The following STPG2 variants were observed in gnomAD, a reference collection of about 807,000 sequenced individuals.
STPG2 encodes sperm tail PG-rich repeat containing 2, also known as sperm-tail PG-rich repeat-containing protein 2.
Under a neutral mutation model 54.2 loss-of-function variants are expected in STPG2, and 56 were observed. The observed-to-expected ratio is 1.03, with a 90% CI of 0.83 to 1.29. The LOEUF (loss-of-function observed/expected upper bound fraction) is 1.29. Among genes scored for constraint, STPG2 ranks in the 50% most tolerant of loss-of-function variants. The pLI, the probability that STPG2 is intolerant of heterozygous loss-of-function variation, is 0.00. For synonymous variants in STPG2, 200 were observed against 181.8 expected, an observed-to-expected ratio of 1.10 and a Z score of -0.81; for missense variants, 596 against 544.9, an observed-to-expected ratio of 1.09 and a Z score of -0.93.
At chr4:97,451,105 A>G (rs1269616996) in intron 4 of STPG2, among the ~76,000 whole-genome samples, 3 of 152,138 alleles carry the variant, frequency 2.0e-5, no homozygotes, top group Non-Finnish European at 4.4e-5. Context: ...AGATTATAGA[A>G]TAAGAGAAAG....
At chr4:97,977,518 A>G (rs1734538097) in intron 6 of STPG2, among the ~76,000 whole-genome samples, 2 of 152,186 alleles carry the variant, frequency 1.3e-5, no homozygotes, top group African/African-American at 4.8e-5. Context: ...TACAATAATA[A>G]ATACTACTGA....
chr4:98,122,863 C>T (rs899638922), intron 3 of STPG2, among the ~76,000 whole-genome samples: 1 of 152,094 alleles, frequency 6.6e-6, no homozygotes, highest in African/African-American at 2.4e-5. Context: ...ATTACTGCTT[C>T]GATTTCAGAA....
At chr4:97,629,621 A>G (rs1721194841) in intron 10 of STPG2, among the ~76,000 whole-genome samples, 1 of 152,048 alleles carries the variant, frequency 6.6e-6, no homozygotes, top group Non-Finnish European at 1.5e-5. Flanking sequence ...TAACTTTCAC[A>G]AAGTAGGTAT....
chr4:97,724,442 GT>G (rs1230540346), intron 9 of STPG2, among the ~76,000 whole-genome samples: 2 of 151,990 alleles, frequency 1.3e-5, no homozygotes, highest in African/African-American at 4.8e-5. Flanking sequence ...TTATGAAATT[GT>G]TTTTTCTTAT....
chr4:97,801,004 G>A (rs888319186), intron 9 of STPG2, among the ~76,000 whole-genome samples: 6 of 152,340 alleles, frequency 3.9e-5, no homozygotes, highest in Admixed American at 2.0e-4. Flanking sequence ...GAATCTCCTG[G>A]TGTGCCGTTT....
At chr4:97,758,764 C>T (rs1412896002) in intron 9 of STPG2, among the ~76,000 whole-genome samples, 1 of 152,038 alleles carries the variant, frequency 6.6e-6, no homozygotes, top group Admixed American at 6.6e-5. Context: ...ACATTCTTCA[C>T]ATGTATCCCA....
intron 5 of STPG2, among the ~76,000 whole-genome samples, chr4:97,998,821 C>T (rs747186745): frequency 1.4e-4 from 22 of 152,092 alleles, no homozygotes; most frequent in Non-Finnish European, 2.4e-4. Context: ...AAAACCCTGG[C>T]AAGACTCCAT....
chr4:97,490,696 C>T (rs536193537), intron 4 of STPG2, among the ~76,000 whole-genome samples: 5 of 151,728 alleles, frequency 3.3e-5, no homozygotes, highest in African/African-American at 1.2e-4. Context: ...GCAACATATG[C>T]AGCATGAAAT....
intron 9 of STPG2, among the ~76,000 whole-genome samples, chr4:97,714,718 C>A (rs754796423): frequency 3.9e-5 from 6 of 151,958 alleles, no homozygotes; most frequent in Non-Finnish European, 8.8e-5. Flanking sequence ...GAAAATATAT[C>A]ATCGACCATA....
chr4:97,659,186 CT>C (rs1191722622), intron 10 of STPG2, among the ~76,000 whole-genome samples: 2 of 152,120 alleles, frequency 1.3e-5, no homozygotes, highest in African/African-American at 4.8e-5. Flanking sequence ...GAGTCCATAT[CT>C]TTATTTGGGT....
At chr4:98,067,589 A>G (rs1322927585) in intron 5 of STPG2, among the ~76,000 whole-genome samples, 2 of 152,196 alleles carry the variant, frequency 1.3e-5, no homozygotes, top group Non-Finnish European at 2.9e-5. Flanking sequence ...GGAGCAGGAA[A>G]GGAATGCAAT....
intron 5 of STPG2, among the ~76,000 whole-genome samples, chr4:98,023,901 G>A (rs1439326334): frequency 3.3e-5 from 5 of 152,122 alleles, no homozygotes; most frequent in Non-Finnish European, 5.9e-5. Flanking sequence ...TATTAGGGTG[G>A]GAGTGACCAG....
intron 7 of STPG2, among the ~76,000 whole-genome samples, chr4:97,957,375 G>A (rs150387160): frequency 6.5e-4 from 98 of 150,956 alleles, no homozygotes; most frequent in African/African-American, 2.2e-3. Context: ...ATCAAACAAA[G>A]ACAAAGAAAA....
chr4:97,956,305 GATGAA>G (rs1390721472), intron 7 of STPG2, among the ~76,000 whole-genome samples: 13 of 151,970 alleles, frequency 8.6e-5, no homozygotes, highest in African/African-American at 2.4e-4. Flanking sequence ...ATGTAATATT[GATGAA>G]ATGAAATAAA....
At chr4:97,537,529 G>A (rs1346325475) in intron 4 of STPG2, among the ~76,000 whole-genome samples, 1 of 152,146 alleles carries the variant, frequency 6.6e-6, no homozygotes, top group Non-Finnish European at 1.5e-5. Context: ...GCTTCAGTAG[G>A]TAAACAAAGC....
intron 8 of STPG2, among the ~76,000 whole-genome samples, chr4:97,881,244 A>G (rs1437862732): frequency 6.6e-6 from 1 of 152,146 alleles, no homozygotes; most frequent in Non-Finnish European, 1.5e-5. Context: ...ATCTAAGCCA[A>G]CCCTCTCATT....
intron 8 of STPG2, among the ~76,000 whole-genome samples, chr4:97,869,552 A>T (rs2149152012): frequency 6.6e-6 from 1 of 151,850 alleles, no homozygotes; most frequent in Non-Finnish European, 1.5e-5. Flanking sequence ...AGATAAATGG[A>T]AAAGACAACC....
chr4:97,720,700 C>T (rs1253035773), intron 9 of STPG2, among the ~76,000 whole-genome samples: 2 of 151,656 alleles, frequency 1.3e-5, no homozygotes, highest in African/African-American at 4.8e-5. Context: ...TTTTGTTTTA[C>T]CCATATATTT....
intron 7 of STPG2, among the ~76,000 whole-genome samples, chr4:97,949,584 T>A (rs1262622880): frequency 6.6e-6 from 1 of 152,194 alleles, no homozygotes; most frequent in Non-Finnish European, 1.5e-5. Flanking sequence ...TTTTAGCATT[T>A]CTTGTAGGGC....
Sources: gnomAD v4.1 joint callset for allele counts (sites outside exome capture counted in the v4.1 genomes callset) on GRCh38, gnomAD v4.1.1 for gene constraint, MANE v1.5 for transcripts, NCBI Gene and HGNC (gene_info 2026-07-23, HGNC 2026-07-21) for gene names.